The following MAML2 variants were observed in gnomAD, a reference collection of about 807,000 sequenced individuals.
The protein encoded by MAML2 is mastermind like transcriptional coactivator 2.
In MAML2, 22 loss-of-function variants were observed where a neutral mutation model predicts 96.1. That is an observed-to-expected ratio of 0.23 (90% CI 0.16 to 0.33). MAML2 has a LOEUF of 0.33. Among genes scored for constraint, MAML2 ranks in the 10% least tolerant of loss-of-function variants. The pLI, the probability that MAML2 is intolerant of heterozygous loss-of-function variation, is 1.00. For missense variants in MAML2, 1,367 were observed against 1,392.4 expected (o/e 0.98, Z 0.29); for synonymous variants, 561 against 521.3 (o/e 1.08, Z -1.04).
intron 2 of MAML2, among the ~76,000 whole-genome samples, chr11:96,079,778 C>G (rs1463388197): frequency 6.6e-6 from 1 of 152,076 alleles, no homozygotes; most frequent in Non-Finnish European, 1.5e-5. Flanking sequence ...AATAGAGAGA[C>G]AAAAGGGATC....
chr11:96,230,810 C>T (rs1241324122), intron 1 of MAML2, among the ~76,000 whole-genome samples: 1 of 152,216 alleles, frequency 6.6e-6, no homozygotes, highest in East Asian at 1.9e-4. Context: ...ATATATTTGA[C>T]ACTTGTCTCG....
intron 1 of MAML2, among the ~76,000 whole-genome samples, chr11:96,175,050 C>T (rs1565237981): frequency 1.3e-5 from 2 of 152,206 alleles, no homozygotes; most frequent in Admixed American, 6.5e-5. Flanking sequence ...TTAAGCAAAG[C>T]AGGAAGGGGA....
At chr11:96,335,193 A>G (rs1863904102) in intron 1 of MAML2, among the ~76,000 whole-genome samples, 1 of 152,248 alleles carries the variant, frequency 6.6e-6, no homozygotes, top group African/African-American at 2.4e-5. Flanking sequence ...AAAAATTTGT[A>G]ACACATCTGT....
At chr11:96,025,334 T>C (rs1365706414) in intron 2 of MAML2, among the ~76,000 whole-genome samples, 1 of 152,008 alleles carries the variant, frequency 6.6e-6, no homozygotes, top group Non-Finnish European at 1.5e-5. Flanking sequence ...CACTTATGAG[T>C]AGGAGCTAAG....
chr11:96,103,760 T>C (rs1859974227), intron 1 of MAML2, among the ~76,000 whole-genome samples: 1 of 152,176 alleles, frequency 6.6e-6, no homozygotes, highest in South Asian at 2.1e-4. Flanking sequence ...ATTCTCCATC[T>C]ACATTCAGTG....
At chr11:96,148,524 A>G (rs1402532622) in intron 1 of MAML2, among the ~76,000 whole-genome samples, 1 of 151,786 alleles carries the variant, frequency 6.6e-6, no homozygotes, top group Non-Finnish European at 1.5e-5. Flanking sequence ...TGTCTACACT[A>G]TGATTTGCAG....
intron 2 of MAML2, among the ~76,000 whole-genome samples, chr11:96,039,905 C>T (rs1353443687): frequency 1.4e-5 from 2 of 146,484 alleles, no homozygotes; most frequent in East Asian, 4.0e-4. Context: ...TTGCAGTGAG[C>T]AGAGATCGTG....
At chr11:96,208,529 T>C (rs1463930766) in intron 1 of MAML2, among the ~76,000 whole-genome samples, 1 of 152,224 alleles carries the variant, frequency 6.6e-6, no homozygotes, top group Non-Finnish European at 1.5e-5. Flanking sequence ...TAGAGATACT[T>C]GAAGTAATAA....
intron 2 of MAML2, among the ~76,000 whole-genome samples, chr11:96,058,670 A>G (rs16912650): frequency 0.013 from 2,038 of 152,284 alleles, 44 homozygotes; most frequent in African/African-American, 0.046. Context: ...CCTTGTTTAA[A>G]TGGAACCCAG....
chr11:96,006,534 G>A (rs1164151648), intron 2 of MAML2, among the ~76,000 whole-genome samples: 1 of 150,514 alleles, frequency 6.6e-6, no homozygotes, highest in East Asian at 1.9e-4. Flanking sequence ...ATTCTATTGG[G>A]AAATAAGATT....
At chr11:96,076,532 G>A (rs1859442294) in intron 2 of MAML2, among the ~76,000 whole-genome samples, 1 of 151,936 alleles carries the variant, frequency 6.6e-6, no homozygotes, top group African/African-American at 2.4e-5. Flanking sequence ...CGGATGGGCT[G>A]TGGTCCCTGA....
intron 1 of MAML2, among the ~76,000 whole-genome samples, chr11:96,307,932 A>G (rs2136002415): frequency 6.6e-6 from 1 of 152,270 alleles, no homozygotes; most frequent in Non-Finnish European, 1.5e-5. Context: ...GGTGGATATC[A>G]TTTTATAGGG....
At chr11:96,154,789 G>C (rs1356847731) in intron 1 of MAML2, among the ~76,000 whole-genome samples, 1 of 152,186 alleles carries the variant, frequency 6.6e-6, no homozygotes, top group Non-Finnish European at 1.5e-5. Flanking sequence ...GTAACGTGCA[G>C]AGAGTGCCAT....
intron 1 of MAML2, among the ~76,000 whole-genome samples, chr11:96,189,663 A>G (rs1300744104): frequency 6.6e-6 from 1 of 152,258 alleles, no homozygotes; most frequent in Non-Finnish European, 1.5e-5. Context: ...ATAAGCTATT[A>G]GAATGTGAAA....
intron 1 of MAML2, among the ~76,000 whole-genome samples, chr11:96,260,569 C>T (rs1477647531): frequency 6.6e-6 from 1 of 152,160 alleles, no homozygotes; most frequent in Non-Finnish European, 1.5e-5. Flanking sequence ...TGCCCTCACT[C>T]CTCCCTCCAG....
chr11:96,017,874 G>A (rs957512202), intron 2 of MAML2, among the ~76,000 whole-genome samples: 1 of 152,216 alleles, frequency 6.6e-6, no homozygotes, highest in Non-Finnish European at 1.5e-5. Context: ...GGCTTCGTAG[G>A]CAACTGTCAG....
At chr11:96,029,378 T>C (rs776528286) in intron 2 of MAML2, among the ~76,000 whole-genome samples, 16 of 152,140 alleles carry the variant, frequency 1.1e-4, no homozygotes, top group Admixed American at 3.3e-4. Flanking sequence ...GATTTTTACA[T>C]TGGGAGACTA....
At chr11:96,144,947 T>C (rs1426057192) in intron 1 of MAML2, among the ~76,000 whole-genome samples, 1 of 152,190 alleles carries the variant, frequency 6.6e-6, no homozygotes, top group Non-Finnish European at 1.5e-5. Context: ...TTCCAATGCA[T>C]TGGATTATTT....
intron 4 of MAML2, among the ~76,000 whole-genome samples, chr11:95,983,094 A>G (rs1294762345): frequency 6.6e-6 from 1 of 152,130 alleles, no homozygotes; most frequent in Non-Finnish European, 1.5e-5. Flanking sequence ...CTTTCAGGAG[A>G]TATTCCAGAA....
Sources: gnomAD v4.1 joint callset for allele counts (sites outside exome capture counted in the v4.1 genomes callset) on GRCh38, gnomAD v4.1.1 for gene constraint, MANE v1.5 for transcripts, NCBI Gene and HGNC (gene_info 2026-07-23, HGNC 2026-07-21) for gene names.